The following CSMD3 variants were observed in gnomAD, a reference collection of about 807,000 sequenced individuals.
CSMD3 encodes CUB and Sushi multiple domains 3.
Under a neutral mutation model 435.2 loss-of-function variants are expected in CSMD3, and 177 were observed. The observed-to-expected ratio is 0.41, with a 90% confidence interval of 0.36 to 0.46. The LOEUF (loss-of-function observed/expected upper bound fraction) is 0.46. Among genes scored for constraint, CSMD3 ranks in the 20% least tolerant of loss-of-function variants. The pLI is 0.34. For synonymous variants in CSMD3, 1,656 were observed against 1,520.5 expected, an observed-to-expected ratio of 1.09 and a Z score of -2.07; for missense variants, 4,265 against 4,504.6, an observed-to-expected ratio of 0.95 and a Z score of 1.52.
At chr8:113,048,074 A>G (rs1468071160) in intron 5 of CSMD3, among the ~76,000 whole-genome samples, 1 of 147,748 alleles carries the variant, frequency 6.8e-6, no homozygotes, top group Non-Finnish European at 1.5e-5. Flanking sequence ...GTTTGATGTA[A>G]CTTCAATTCT....
intron 22 of CSMD3, among the ~76,000 whole-genome samples, chr8:112,602,599 T>G (rs1462931325): frequency 6.6e-6 from 1 of 150,618 alleles, no homozygotes; most frequent in Non-Finnish European, 1.5e-5. Flanking sequence ...AAAAGAAAAT[T>G]AGTGTCTAAC....
At chr8:112,259,440 G>T (rs891024483) in intron 61 of CSMD3, among the ~76,000 whole-genome samples, 16 of 152,032 alleles carry the variant, frequency 1.1e-4, no homozygotes, top group African/African-American at 3.9e-4. Context: ...GGGCCTGTCA[G>T]GGGGTGAGGG....
chr8:113,263,752 A>G (rs1476642515), intron 3 of CSMD3, among the ~76,000 whole-genome samples: 1 of 151,856 alleles, frequency 6.6e-6, no homozygotes, highest in East Asian at 1.9e-4. Context: ...TCAACATATG[A>G]TACTGTGTAA....
intron 3 of CSMD3, among the ~76,000 whole-genome samples, chr8:113,242,560 C>T (rs1474323541): frequency 6.6e-6 from 1 of 152,016 alleles, no homozygotes; most frequent in Admixed American, 6.6e-5. Flanking sequence ...AAACTGCAGT[C>T]CGCTTCTGCT....
At chr8:113,252,024 C>T (rs2093339088) in intron 3 of CSMD3, among the ~76,000 whole-genome samples, 1 of 151,996 alleles carries the variant, frequency 6.6e-6, no homozygotes, top group Admixed American at 6.6e-5. Flanking sequence ...TCACAGATAC[C>T]ATAAGTGTAA....
At chr8:112,690,589 C>G (rs1376645810) in intron 13 of CSMD3, among the ~76,000 whole-genome samples, 7 of 34,916 alleles carry the variant, frequency 2.0e-4, no homozygotes, top group Non-Finnish European at 3.8e-4. Flanking sequence ...CCAACTAGAC[C>G]CCCCCCCCCA....
At chr8:112,639,850 T>C (rs1342289822) in intron 20 of CSMD3, among the ~76,000 whole-genome samples, 1 of 152,140 alleles carries the variant, frequency 6.6e-6, no homozygotes, top group Non-Finnish European at 1.5e-5. Context: ...GTCACTTAAG[T>C]CGTTTGCGTT....
chr8:112,265,465 T>C lies in CSMD3; in HGVS notation c.9634A>G (p.Ile3212Val). ...GYTMELNGSRIRTCTINGTWS... is the reference protein window; with the variant it reads ...GYTMELNGSRVRTCTINGTWS... ...GTGCCATTAATTGTACAAGTCCTGA[T>C]TCTGGAGCCATTCAATTCCATCGTG... The change falls in exon 60 of 71, where the codon ATC becomes GTC. Residue 3212 changes from isoleucine to valine, a missense_variant. Ile to Val is a conservative substitution (Grantham distance 29). Transcript: ENST00000297405. 1 of 1,613,862 alleles carries C rather than the reference T, an allele frequency of 6.2e-7. No individual in the cohort carries two copies. The highest frequency in any genetic ancestry group is 8.5e-7 in the Non-Finnish European group (1 of 1,179,790).
At position 112,336,778 on chromosome 8, in the gene CSMD3, C is replaced by A. The variant is rs1189454471; in HGVS notation, c.6893G>T (p.Gly2298Val). The A allele has an allele frequency of 1.2e-6, 2 of 1,613,394 alleles. No individual in the cohort carries two copies. Among genetic ancestry groups the A allele is most frequent in the Non-Finnish European group, 1.7e-6 (2 of 1,179,594 alleles). Residue 2298 changes from glycine (G) to valine (V), a missense_variant, in exon 44 of 71, where the codon GGG becomes GTG. Physicochemically the swap from Gly to Val is moderately radical, Grantham distance 109 (BLOSUM62 -3). This residue lies in a region of CSMD3 where 3,255 missense variants were observed against 3,380.2 expected (regional missense o/e 0.96). Transcript: ENST00000297405. ...AAAGTTTGGATATTCATCAGGATAC[C>A]CAGGAGAATAAATGGTGCCATTCAT... ...TAMNGTIYSP[G>V]YPDEYPNFQD...
At position 112,886,452 on chromosome 8, in the gene CSMD3, G is replaced by A. The variant is rs561765207; in HGVS notation, c.1634-27186C>T. 9.3e-5 allele frequency among the ~76,000 whole-genome samples: 14 copies of A among 150,996 alleles called. No individual in the cohort carries two copies. In the South Asian group the frequency reaches 1.3e-3, roughly 13 times the overall value. Reference sequence around the variant, plus strand: ...AAATATGTTCCTGTTATCTTGTGTCGTAGAATTCTTTACTTTCAAGCAATT... The same window carrying A: ...AAATATGTTCCTGTTATCTTGTGTCATAGAATTCTTTACTTTCAAGCAATT... On this transcript the variant is annotated intron_variant, in intron 10 of 70. Transcript: ENST00000297405.
At chr8:112,255,908 A>G (rs1405177747) in intron 61 of CSMD3, 1 of 154,358 alleles carries the variant, frequency 6.5e-6, no homozygotes, top group African/African-American at 2.4e-5. Flanking sequence ...TATACTTTGA[A>G]TACTCGAAGC....
chr8:112,561,741 T>A (rs984735722), intron 24 of CSMD3, among the ~76,000 whole-genome samples: 1 of 151,714 alleles, frequency 6.6e-6, no homozygotes, highest in Non-Finnish European at 1.5e-5. Context: ...TTATTACATA[T>A]CTATACATCA....
chr8:112,575,157 A>C (rs2131308125), intron 23 of CSMD3, among the ~76,000 whole-genome samples: 1 of 152,178 alleles, frequency 6.6e-6, no homozygotes, highest in East Asian at 1.9e-4. Flanking sequence ...ATTAGAATTT[A>C]ATGTTAAGGT....
At chr8:112,438,244 C>T (rs941042280) in intron 32 of CSMD3, among the ~76,000 whole-genome samples, 10 of 152,108 alleles carry the variant, frequency 6.6e-5, no homozygotes, top group African/African-American at 2.2e-4. Flanking sequence ...CTAGTTGTTG[C>T]CATTTTAAGA....
chr8:113,243,369 A>T (rs1172698242), intron 3 of CSMD3, among the ~76,000 whole-genome samples: 1 of 151,736 alleles, frequency 6.6e-6, no homozygotes, highest in African/African-American at 2.4e-5. Flanking sequence ...ATTTTATTTT[A>T]AAATATAGAT....
intron 6 of CSMD3, among the ~76,000 whole-genome samples, chr8:112,977,334 C>T (rs1013762582): frequency 1.3e-5 from 2 of 151,926 alleles, no homozygotes; most frequent in African/African-American, 2.4e-5. Flanking sequence ...TTTTTATACA[C>T]TTTTCTTCGC....
In CSMD3 at chr8:112,287,073, C is replaced by G. The variant is rs2130632977; in HGVS notation, c.9322G>C (p.Glu3108Gln). 1 of 1,613,442 alleles carries G rather than the reference C, an allele frequency of 6.2e-7. No homozygotes were observed. The highest frequency in any genetic ancestry group is 8.5e-7 in the Non-Finnish European group (1 of 1,179,580). Residue 3108 changes from glutamate (E) to glutamine (Q), a missense_variant, in exon 58 of 71, where the codon GAG (glutamate) becomes CAG (glutamine). Physicochemically the swap from Glu to Gln is conservative, Grantham distance 29. Transcript: ENST00000297405. Reference sequence around the variant, plus strand: ...TTCTGCTTGAGATTACCTTTGCACTCTGGCTGCCTTCCGGTCCAACTGCCA... The same window carrying G: ...TTCTGCTTGAGATTACCTTTGCACTGTGGCTGCCTTCCGGTCCAACTGCCA... ...ANGSWTGRQP[E>Q]CKAVQCGNPG...
intron 5 of CSMD3, among the ~76,000 whole-genome samples, chr8:113,024,019 T>C (rs2086782548): frequency 1.3e-5 from 2 of 152,140 alleles, no homozygotes; most frequent in South Asian, 4.1e-4. Context: ...CACTGGTACT[T>C]ATTCTGCCTT....
At chr8:113,362,341 G>A (rs2094282919) in intron 1 of CSMD3, among the ~76,000 whole-genome samples, 1 of 152,102 alleles carries the variant, frequency 6.6e-6, no homozygotes, top group Admixed American at 6.6e-5. Context: ...AGAAGAGTCA[G>A]AAAGGAAAAT....
Sources: allele counts gnomAD v4.1 joint callset (sites outside exome capture counted in the v4.1 genomes callset), GRCh38; gene constraint gnomAD v4.1.1; regional missense constraint gnomAD v4.1.1; transcripts MANE v1.5; gene names NCBI Gene and HGNC (gene_info 2026-07-23, HGNC 2026-07-21).